AGRN: variants seen among roughly 807,000 people sequenced by gnomAD.
The protein encoded by AGRN is agrin.
In AGRN, 106 loss-of-function variants were observed where a neutral mutation model predicts 211.0. That is an observed-to-expected ratio of 0.50 (90% CI 0.43 to 0.59). AGRN has a LOEUF of 0.59. AGRN is among the 20% of genes least tolerant of loss of function. AGRN has a pLI of 0.00. For synonymous variants in AGRN, 1,525 were observed against 1,332.5 expected, an observed-to-expected ratio of 1.14 and a Z score of -3.15; for missense variants, 3,040 against 2,982.6, an observed-to-expected ratio of 1.02 and a Z score of -0.45.
Position 1,048,512 on chromosome 1 carries a change from T to A in AGRN, c.4105+147T>A. The A allele has an allele frequency of 1.4e-6, 1 of 733,162 alleles. No individual in the cohort carries two copies. The highest frequency in any genetic ancestry group is 2.1e-6 in the Non-Finnish European group (1 of 468,316). 45.4% of individuals were successfully genotyped at this position (733,162 alleles called of 1,614,324 possible). ...TCGGCCAGATGCGGTGGCTCACGCC[T>A]GTAATCCCAGCACTTTGGGAGGCCG... On this transcript the variant is annotated intron_variant, in intron 23 of 35. Coordinates refer to ENST00000379370, the MANE Select transcript of AGRN (RefSeq NM_198576.4). The surrounding 1 kb of genome is among the most constrained non-coding windows in gnomAD (Gnocchi z 5.9).
Position 1,048,599 on chromosome 1 carries a change from T to C in AGRN, c.4105+234T>C, listed in dbSNP as rs1645171105. Reference sequence around the variant, plus strand: ...CAGCCTGACCAACATGGAGACACTCTGTCTCTACTAAAAATACAAAATTAG... The same window carrying C: ...CAGCCTGACCAACATGGAGACACTCCGTCTCTACTAAAAATACAAAATTAG... On this transcript the variant is annotated intron_variant, in intron 23 of 35. Transcript: ENST00000379370. This position sits in a 1 kb window ranked among gnomAD's most constrained non-coding sequence, Gnocchi z 5.9. The C allele has an allele frequency of 3.4e-6, 2 of 588,094 alleles. No homozygotes were observed. The highest frequency in any genetic ancestry group is 2.3e-5 in the South Asian group (1 of 44,390). 36.4% of individuals were successfully genotyped at this position (588,094 alleles called of 1,614,324 possible).
chr1:1,029,438 G>GGGGGGACATCAGTGTCTATGCAGGCAGT, intron 2 of AGRN, among the ~76,000 whole-genome samples: 1 of 148,998 alleles, frequency 6.7e-6, no homozygotes, highest in South Asian at 2.2e-4. Context: ...ATGCAGGCAG[G>GGGGGGACATCAGTGTCTATGCAGGCAGT]TAGGGGGAGG....
intron 1 of AGRN, among the ~76,000 whole-genome samples, chr1:1,021,067 C>A (rs990476101): frequency 6.6e-6 from 1 of 152,152 alleles, no homozygotes; most frequent in Non-Finnish European, 1.5e-5. Context: ...GCTCGGGGGA[C>A]CCAGAGCCGG....
chr1:1,055,559 C>G lies in AGRN; in HGVS notation c.*578C>G, dbSNP rs1465541011. On this transcript the variant is annotated 3_prime_UTR_variant, in exon 36 of 36. Coordinates refer to ENST00000379370, the MANE Select transcript of AGRN (RefSeq NM_198576.4). The stretch of plus-strand genomic sequence containing the variant: ...GAGCAGAGGCCAGACCAGGGCCGAT[C>G]TGGGTGTCCTGACCCTCAGCTGGCC... 1 of 185,234 alleles carries G rather than the reference C, an allele frequency of 5.4e-6. No homozygotes were observed. The highest frequency in any genetic ancestry group is 2.4e-5 in the African/African-American group (1 of 42,310). The allele number at this position is 185,234 out of a possible 1,614,324, so 11.5% of individuals were successfully genotyped here. A position where few individuals can be genotyped will look rare whatever the true frequency, so the allele number is the denominator to read the frequency against.
chr1:1,051,147 C>T (rs1570247852), intron 30 of AGRN, 106 bp from the exon 31 acceptor site: 5 of 1,519,254 alleles, frequency 3.3e-6, no homozygotes, highest in East Asian at 2.5e-5. Context: ...TAACGCTGCC[C>T]CCTAGATAGG....
At position 1,041,719 on chromosome 1, in the gene AGRN, G is replaced by C; in HGVS notation, c.1177+17G>C. On this transcript the variant is annotated intron_variant, in intron 6 of 35. Coordinates refer to ENST00000379370, the MANE Select transcript of AGRN (RefSeq NM_198576.4). The stretch of plus-strand genomic sequence containing the variant: ...AGGGTCGAGGTGAGCGGCTCCCCCG[G>C]GGGAGGGCTCCGGCCAGTGCCAGGG... The C allele has an allele frequency of 6.4e-7, 1 of 1,563,510 alleles. No individual in the cohort carries two copies. Among genetic ancestry groups the C allele is most frequent in the South Asian group, 1.2e-5 (1 of 85,100 alleles).
At chr1:1,024,833 G>A (rs1456376515) in intron 2 of AGRN, among the ~76,000 whole-genome samples, 1 of 152,178 alleles carries the variant, frequency 6.6e-6, no homozygotes, top group Non-Finnish European at 1.5e-5. Flanking sequence ...ACTAAGACAG[G>A]TATGTGTCCC....
At position 1,041,460 on chromosome 1, in the gene AGRN, C is replaced by T. The variant is rs1644934734; in HGVS notation, c.953-18C>T. On this transcript the variant is annotated intron_variant, in intron 5 of 35. Coordinates refer to ENST00000379370, the MANE Select transcript of AGRN (RefSeq NM_198576.4). ...GGCGCGCGGCGACAGCGTCCTGACTCCTGCCCTCGACCCCCAGACCCCTGT... is the reference window on the plus strand; with the variant it reads ...GGCGCGCGGCGACAGCGTCCTGACTTCTGCCCTCGACCCCCAGACCCCTGT... The T allele has an allele frequency of 1.9e-6, 3 of 1,579,176 alleles. No individual in the cohort carries two copies. Among genetic ancestry groups the T allele is most frequent in the East Asian group, 4.6e-5 (2 of 43,554 alleles).
intron 3 of AGRN, among the ~76,000 whole-genome samples, chr1:1,040,236 C>A (rs1393186262): frequency 1.3e-5 from 2 of 152,158 alleles, no homozygotes; most frequent in East Asian, 3.9e-4. Flanking sequence ...GGCTCCGGTG[C>A]CGATGTGGAA....
At chr1:1,049,201 G>T (rs556799309) in intron 24 of AGRN, 35 bp from the exon 25 acceptor site, 6 of 1,511,602 alleles carry the variant, frequency 4.0e-6, no homozygotes, top group South Asian at 2.5e-5. Context: ...GGACGGGGCC[G>T]GGCGATGGTC....
chr1:1,050,414 C>T lies in AGRN; in HGVS notation c.4977-13C>T. 1 of 1,612,810 alleles carries T rather than the reference C, an allele frequency of 6.2e-7. No homozygotes were observed. Among genetic ancestry groups the T allele is most frequent in the Non-Finnish European group, 8.5e-7 (1 of 1,179,860 alleles). ...GGGGACAGCAAAGACACCCCGACTC[C>T]CCATGACCCCAGGGAGAAGATGGCG... On this transcript the variant is annotated splice_polypyrimidine_tract_variant and intron_variant, in intron 28 of 35. Transcript: ENST00000379370.
intron 27 of AGRN, 75 bp downstream of exon 27, chr1:1,050,112 C>A: frequency 1.3e-6 from 2 of 1,579,008 alleles, no homozygotes; most frequent in Non-Finnish European, 1.7e-6. Flanking sequence ...TTCCAGGTAG[C>A]ATTGCAGTTA....
In AGRN at chr1:1,048,221, C is replaced by A; in HGVS notation, c.3961C>A (p.Arg1321Ser). 6.5e-7 allele frequency: 1 copy of A among 1,547,142 alleles called. No homozygotes were observed. Among genetic ancestry groups the A allele is most frequent in the Non-Finnish European group, 8.7e-7 (1 of 1,146,118 alleles). ...PTTAPSRVPG[R>S]RPPAPQQPPK... ...CACTGCCCCCAGCCGTGTGCCCGGACGTCGGCCCCCGGCCCCCCAGCAGCC... is the reference window on the plus strand; with the variant it reads ...CACTGCCCCCAGCCGTGTGCCCGGAAGTCGGCCCCCGGCCCCCCAGCAGCC... The change falls in exon 23 of 36, where the codon CGT becomes AGT. Residue 1321 changes from arginine to serine, a missense_variant. Around this residue, in one of 3 missense-constraint regions of AGRN, gnomAD observed 1,537 missense variants for 1,505.0 expected, o/e 1.02. Coordinates refer to ENST00000379370, the MANE Select transcript of AGRN (RefSeq NM_198576.4). This position sits in a 1 kb window ranked among gnomAD's most constrained non-coding sequence, Gnocchi z 5.9.
rs1296950977 is a variant in AGRN at position 1,048,644 on chromosome 1, C to T, written c.4106-223C>T. On this transcript the variant is annotated intron_variant, in intron 23 of 35. Coordinates refer to ENST00000379370, the MANE Select transcript of AGRN (RefSeq NM_198576.4). The surrounding 1 kb of genome is among the most constrained non-coding windows in gnomAD (Gnocchi z 5.9). ...AATTAGCCGGGCGTGGTGGTGGGCGCCTGTAATCCCACCTCGTGAGGCTGA... is the reference window on the plus strand; with the variant it reads ...AATTAGCCGGGCGTGGTGGTGGGCGTCTGTAATCCCACCTCGTGAGGCTGA... The T allele has an allele frequency of 4.9e-6, 3 of 615,584 alleles. No homozygotes were observed. The highest frequency in any genetic ancestry group is 2.9e-5 in the East Asian group (1 of 34,828). 38.1% of individuals were successfully genotyped at this position (615,584 alleles called of 1,614,324 possible).
chr1:1,028,336 C>A (rs1048442452), intron 2 of AGRN, among the ~76,000 whole-genome samples: 3 of 124,632 alleles, frequency 2.4e-5, no homozygotes, highest in African/African-American at 9.0e-5. Flanking sequence ...CCCCCCCCCC[C>A]GCCCTGCACC....
At chr1:1,025,266 C>T (rs1406965695) in intron 2 of AGRN, among the ~76,000 whole-genome samples, 3 of 152,170 alleles carry the variant, frequency 2.0e-5, no homozygotes, top group Non-Finnish European at 2.9e-5. Flanking sequence ...CCCGGGGTCC[C>T]GGCGGCCTAG....
rs1241850755 is a variant in AGRN, at chr1:1,040,869, G to A, written c.716G>A (p.Arg239His). ...CAGCGCCGCATCCGCCTGCTCAGCC[G>A]CGGGCCGTGCGGTGAGCGGGGCGGG... ...SQQRRIRLLS[R>H]GPCGSRDPCS... The change falls in exon 4 of 36, where the codon CGC becomes CAC. Residue 239 changes from arginine (R) to histidine (H), a missense_variant. Physicochemically the swap from Arg to His is conservative, Grantham distance 29. Transcript: ENST00000379370. 1.6e-5 allele frequency: 24 copies of A among 1,516,958 alleles called. No homozygotes were observed. Among genetic ancestry groups the A allele is most frequent in the Non-Finnish European group, 1.8e-5 (20 of 1,140,188 alleles). 94.0% of individuals were successfully genotyped at this position (1,516,958 alleles called of 1,614,324 possible). A position where few individuals can be genotyped will look rare whatever the true frequency, so the allele number is the denominator to read the frequency against.
At chr1:1,034,386 C>T (rs1644750334) in intron 2 of AGRN, 3 of 985,584 alleles carry the variant, frequency 3.0e-6, no homozygotes, top group Non-Finnish European at 3.6e-6. Context: ...AGGACTGGAG[C>T]CGGGACCTGG....
chr1:1,026,706 G>A (rs1644528474), intron 2 of AGRN, among the ~76,000 whole-genome samples: 1 of 152,176 alleles, frequency 6.6e-6, no homozygotes, highest in African/African-American at 2.4e-5. Context: ...AGCCCAGCGG[G>A]GCTGGGGCTG....
Sources: allele counts gnomAD v4.1 joint callset (sites outside exome capture counted in the v4.1 genomes callset), GRCh38; gene constraint gnomAD v4.1.1; regional missense constraint gnomAD v4.1.1; non-coding constraint Gnocchi (gnomAD v3.1); transcripts MANE v1.5; gene names NCBI Gene and HGNC (gene_info 2026-07-23, HGNC 2026-07-21).